The following FER variants were observed in gnomAD, a reference collection of about 807,000 sequenced individuals.
The protein encoded by FER is FER tyrosine kinase, also known as tyrosine-protein kinase Fer.
In FER, 63 loss-of-function variants were observed where a neutral mutation model predicts 111.0. The ratio of observed to expected loss-of-function variants is 0.57; its 90% CI spans 0.46 to 0.70. FER has a LOEUF of 0.70. FER is among the 30% of genes least tolerant of loss of function. The pLI, the probability that FER is intolerant of heterozygous loss-of-function variation, is 0.00. For missense variants in FER, 914 were observed against 954.0 expected, an observed-to-expected ratio of 0.96 and a Z score of 0.55; for synonymous variants, 327 against 313.9, an observed-to-expected ratio of 1.04 and a Z score of -0.44.
intron 2 of FER, among the ~76,000 whole-genome samples, chr5:108,778,536 G>C (rs1215735440): frequency 2.0e-5 from 3 of 152,180 alleles, no homozygotes; most frequent in Non-Finnish European, 4.4e-5. Flanking sequence ...ATAAATGTGA[G>C]GTGGTGTCTC....
At chr5:108,771,014 G>A (rs1315286637) in intron 2 of FER, among the ~76,000 whole-genome samples, 1 of 151,328 alleles carries the variant, frequency 6.6e-6, no homozygotes, top group Non-Finnish European at 1.5e-5. Context: ...TCGGCTCACT[G>A]CAACCTCTGC....
At chr5:109,127,346 A>G (rs565163010) in intron 17 of FER, among the ~76,000 whole-genome samples, 2 of 152,272 alleles carry the variant, frequency 1.3e-5, no homozygotes, top group Admixed American at 6.5e-5. Context: ...AAATAACTAT[A>G]TTAATGTTCA....
chr5:108,941,767 G>T (rs2149611638), intron 10 of FER, among the ~76,000 whole-genome samples: 1 of 152,254 alleles, frequency 6.6e-6, no homozygotes, highest in Middle Eastern at 3.4e-3. Flanking sequence ...TTGTAGTACT[G>T]GATAATTTAC....
intron 2 of FER, among the ~76,000 whole-genome samples, chr5:108,776,238 GT>G (rs1753473104): frequency 6.6e-6 from 1 of 152,006 alleles, no homozygotes; most frequent in African/African-American, 2.4e-5. Flanking sequence ...CTGTTACATA[GT>G]TTTTATTCAC....
intron 17 of FER, among the ~76,000 whole-genome samples, chr5:109,132,032 G>T (rs1442716057): frequency 6.6e-6 from 1 of 152,120 alleles, no homozygotes; most frequent in Non-Finnish European, 1.5e-5. Flanking sequence ...TGTACCTAAA[G>T]TATGTGTCTA....
intron 2 of FER, among the ~76,000 whole-genome samples, chr5:108,771,343 C>T (rs899118954): frequency 1.3e-5 from 2 of 152,136 alleles, no homozygotes; most frequent in Non-Finnish European, 1.5e-5. Context: ...TTAAACAGTT[C>T]TATTTTTTCC....
intron 16 of FER, among the ~76,000 whole-genome samples, chr5:109,094,760 C>T (rs1253152221): frequency 6.6e-6 from 1 of 152,140 alleles, no homozygotes; most frequent in Non-Finnish European, 1.5e-5. Flanking sequence ...CCATGGTTTG[C>T]AGACACTTAG....
At chr5:109,083,723 T>C (rs10477944) in intron 16 of FER, among the ~76,000 whole-genome samples, 28,326 of 151,890 alleles carry the variant, frequency 0.19, 2,780 homozygotes, top group Non-Finnish European at 0.22. Flanking sequence ...GATGTATCTT[T>C]AGTGAGCAAC....
At chr5:109,122,087 C>T (rs2126504319) in intron 17 of FER, among the ~76,000 whole-genome samples, 1 of 151,638 alleles carries the variant, frequency 6.6e-6, no homozygotes, top group East Asian at 1.9e-4. Flanking sequence ...TTTATCTTCC[C>T]TTGACCATTA....
At chr5:109,155,197 T>C (rs934828091) in intron 17 of FER, among the ~76,000 whole-genome samples, 1 of 151,942 alleles carries the variant, frequency 6.6e-6, no homozygotes, top group Non-Finnish European at 1.5e-5. Flanking sequence ...GAACCAGATA[T>C]TGATGTCTCT....
chr5:109,135,850 G>C (rs181753248), intron 17 of FER, among the ~76,000 whole-genome samples: 4 of 152,180 alleles, frequency 2.6e-5, no homozygotes, highest in African/African-American at 9.6e-5. Flanking sequence ...AATAACCAGC[G>C]CTCAAAAACA....
intron 17 of FER, among the ~76,000 whole-genome samples, chr5:109,120,055 T>C (rs1054761175): frequency 2.0e-5 from 3 of 152,082 alleles, no homozygotes; most frequent in Admixed American, 2.0e-4. Flanking sequence ...TTAGCAAGTA[T>C]TTTCTTCTGT....
intron 3 of FER, among the ~76,000 whole-genome samples, chr5:108,823,047 T>C (rs180814091): frequency 3.8e-4 from 58 of 152,282 alleles, no homozygotes; most frequent in African/African-American, 1.2e-3. Context: ...AATTTTTGTA[T>C]TTTTAGTAGA....
At chr5:109,129,330 C>T (rs1186286924) in intron 17 of FER, among the ~76,000 whole-genome samples, 1 of 151,970 alleles carries the variant, frequency 6.6e-6, no homozygotes, top group Non-Finnish European at 1.5e-5. Context: ...CACAAACATA[C>T]ATCTTAATTT....
chr5:108,909,627 C>G (rs1751275777), intron 10 of FER, among the ~76,000 whole-genome samples: 2 of 152,072 alleles, frequency 1.3e-5, no homozygotes, highest in Middle Eastern at 3.4e-3. Context: ...AATCTGTCTT[C>G]TTTTTGAAAC....
intron 16 of FER, among the ~76,000 whole-genome samples, chr5:109,063,373 G>A (rs1025758809): frequency 4.6e-5 from 7 of 152,202 alleles, no homozygotes; most frequent in Non-Finnish European, 8.8e-5. Context: ...GGCAATGACA[G>A]TTTCAGCTGC....
intron 1 of FER, among the ~76,000 whole-genome samples, chr5:108,765,493 C>A (rs79068593): frequency 1.3e-5 from 2 of 152,080 alleles, no homozygotes; most frequent in Non-Finnish European, 2.9e-5. Context: ...GATCACAGCT[C>A]ATTGCAGGCT....
At chr5:108,753,697 T>C (rs985468971) in intron 1 of FER, among the ~76,000 whole-genome samples, 6 of 152,220 alleles carry the variant, frequency 3.9e-5, no homozygotes, top group Admixed American at 6.5e-5. Context: ...TACTGAAACG[T>C]ATGATTATTT....
At chr5:109,151,147 G>C (rs1754802396) in intron 17 of FER, among the ~76,000 whole-genome samples, 1 of 151,896 alleles carries the variant, frequency 6.6e-6, no homozygotes, top group Non-Finnish European at 1.5e-5. Context: ...TTTTGATGGA[G>C]GTTTCAGATT....
Sources: allele counts gnomAD v4.1 joint callset (sites outside exome capture counted in the v4.1 genomes callset), GRCh38; gene constraint gnomAD v4.1.1; transcripts MANE v1.5; gene names NCBI Gene and HGNC (gene_info 2026-07-23, HGNC 2026-07-21).